Variants in HDAC8 observed in about 807,000 individuals in gnomAD.
HDAC8 encodes histone deacetylase-like 1.
Under a neutral mutation model 32.2 loss-of-function variants are expected in HDAC8, and 1 was observed. That is an observed-to-expected ratio of 0.03 (90% CI 0.01 to 0.15). The LOEUF is 0.15. Ranked by LOEUF, HDAC8 falls within the 10% of genes least tolerant of loss-of-function variation. The probability of loss-of-function intolerance (pLI) is 1.00; values close to 1 mark genes in which losing one functional copy is unlikely to be tolerated. For synonymous variants in HDAC8, 108 were observed against 113.9 expected, an observed-to-expected ratio of 0.95 and a Z score of 0.33; for missense variants, 117 against 300.0, an observed-to-expected ratio of 0.39 and a Z score of 4.51.
At chrX:72,505,045 T>G (rs1318871804) in intron 4 of HDAC8, among the ~76,000 whole-genome samples, 9 of 111,380 alleles carry the variant, frequency 8.1e-5, no homozygotes, top group African/African-American at 2.9e-4. Context: ...TGCCCATTTT[T>G]AAATTTTTAA....
At chrX:72,453,334 G>A (rs1157666895) in intron 9 of HDAC8, among the ~76,000 whole-genome samples, 2 of 108,880 alleles carry the variant, frequency 1.8e-5, no homozygotes, top group Non-Finnish European at 3.8e-5. Context: ...GAGTGCACCT[G>A]TAGTCCTATT....
chrX:72,495,593 C>T (rs1351200789), intron 4 of HDAC8, among the ~76,000 whole-genome samples: 3 of 111,442 alleles, frequency 2.7e-5, no homozygotes, highest in Non-Finnish European at 5.7e-5. Flanking sequence ...AATTTGTATA[C>T]CCTGGGGTCA....
intron 9 of HDAC8, among the ~76,000 whole-genome samples, chrX:72,442,057 G>C (rs2047170923): frequency 9.0e-6 from 1 of 111,407 alleles, no homozygotes; most frequent in East Asian, 2.8e-4. Context: ...ATCTACGTCT[G>C]ATTGGTGTAC....
chrX:72,484,685 G>A (rs945182140), intron 7 of HDAC8, among the ~76,000 whole-genome samples: 4 of 111,755 alleles, frequency 3.6e-5, no homozygotes, highest in African/African-American at 1.3e-4. Context: ...CTTCACATAT[G>A]TCATGGAAGT....
At chrX:72,383,869 C>CAAA (rs782518910) in intron 9 of HDAC8, among the ~76,000 whole-genome samples, 13 of 29,411 alleles carry the variant, frequency 4.4e-4, no homozygotes, top group Admixed American at 1.7e-3. Context: ...GATGCCATCT[C>CAAA]AAAAAAAAAA....
intron 9 of HDAC8, among the ~76,000 whole-genome samples, chrX:72,395,463 A>C (rs1445105847): frequency 8.9e-6 from 1 of 112,315 alleles, no homozygotes; most frequent in Non-Finnish European, 1.9e-5. Flanking sequence ...CTGTATAGAC[A>C]GCTGTCCCTT....
intron 9 of HDAC8, among the ~76,000 whole-genome samples, chrX:72,400,527 C>T (rs1457721390): frequency 8.9e-6 from 1 of 111,796 alleles, no homozygotes; most frequent in African/African-American, 3.3e-5. Flanking sequence ...ATCCTACTCA[C>T]CTTACCTTCA....
intron 7 of HDAC8, chrX:72,480,432 A>T (rs1296974805): frequency 3.0e-6 from 1 of 329,055 alleles, no homozygotes; most frequent in Non-Finnish European, 5.9e-6. Context: ...GGCTGTGCAG[A>T]AGTAGAAATG....
intron 4 of HDAC8, among the ~76,000 whole-genome samples, chrX:72,552,200 G>A (rs781801005): frequency 9.0e-5 from 10 of 111,730 alleles, no homozygotes; most frequent in South Asian, 3.8e-4. Context: ...TGTGGCTCAC[G>A]CCTATAATCC....
intron 4 of HDAC8, among the ~76,000 whole-genome samples, chrX:72,547,215 A>T (rs1556057895): frequency 9.0e-6 from 1 of 111,158 alleles, no homozygotes; most frequent in Non-Finnish European, 1.9e-5. Flanking sequence ...TTCAGTACCT[A>T]TCTAGATTAC....
At chrX:72,394,210 C>T (rs1375018971) in intron 9 of HDAC8, among the ~76,000 whole-genome samples, 3 of 111,165 alleles carry the variant, frequency 2.7e-5, no homozygotes, top group African/African-American at 9.8e-5. Flanking sequence ...TAAAGCAATC[C>T]CCCCACCAAG....
chrX:72,465,162 T>C (rs906815044), intron 7 of HDAC8, among the ~76,000 whole-genome samples: 2 of 111,597 alleles, frequency 1.8e-5, no homozygotes, highest in African/African-American at 6.5e-5. Flanking sequence ...AATCACCTGG[T>C]TCTCAGTGGG....
intron 1 of HDAC8, 73 bp downstream of exon 1, chrX:72,572,578 C>T: frequency 1.3e-6 from 1 of 755,686 alleles, no homozygotes. Context: ...CTCTCCGCTT[C>T]CTAACGCTCT....
chrX:72,497,950 T>C (rs1308844570), intron 4 of HDAC8, among the ~76,000 whole-genome samples: 1 of 111,122 alleles, frequency 9.0e-6, no homozygotes, highest in Non-Finnish European at 1.9e-5. Flanking sequence ...TACTTGGGCC[T>C]GGTAATGAAC....
At chrX:72,516,266 T>C (rs2049799279) in intron 4 of HDAC8, among the ~76,000 whole-genome samples, 1 of 112,067 alleles carries the variant, frequency 8.9e-6, no homozygotes, top group South Asian at 3.8e-4. Flanking sequence ...GGTATAAAGC[T>C]AATTTCTTGG....
At chrX:72,444,591 C>A (rs868996179) in intron 9 of HDAC8, among the ~76,000 whole-genome samples, 1 of 98,514 alleles carries the variant, frequency 1.0e-5, no homozygotes, top group African/African-American at 3.7e-5. Flanking sequence ...ACTGAATGGG[C>A]AAAAACTGGA....
chrX:72,492,816 A>G (rs2048910910), intron 5 of HDAC8, among the ~76,000 whole-genome samples: 1 of 111,829 alleles, frequency 8.9e-6, no homozygotes, highest in Non-Finnish European at 1.9e-5. Context: ...CATTGATCAA[A>G]TATTTTAATG....
At chrX:72,334,663 T>C (rs2043629041) in intron 10 of HDAC8, among the ~76,000 whole-genome samples, 1 of 112,033 alleles carries the variant, frequency 8.9e-6, no homozygotes, top group Non-Finnish European at 1.9e-5. Context: ...TAAAAGAATA[T>C]CATATGAGGC....
chrX:72,568,424 AG>A (rs1336617395), intron 3 of HDAC8, among the ~76,000 whole-genome samples: 3 of 112,098 alleles, frequency 2.7e-5, no homozygotes, highest in African/African-American at 9.7e-5. Flanking sequence ...ATGAGGGGTG[AG>A]GTACAAAAAC....
Sources: gnomAD v4.1 joint callset for allele counts (sites outside exome capture counted in the v4.1 genomes callset) on GRCh38, gnomAD v4.1.1 for gene constraint, MANE v1.5 for transcripts, NCBI Gene and HGNC (gene_info 2026-07-23, HGNC 2026-07-21) for gene names.